OSBPL10: variants seen among roughly 807,000 people sequenced by gnomAD.
OSBPL10 encodes oxysterol-binding protein-related protein 10.
Under a neutral mutation model 81.7 loss-of-function variants are expected in OSBPL10, and 49 were observed. The observed-to-expected ratio is 0.60, with a 90% CI of 0.48 to 0.76. OSBPL10 has a LOEUF of 0.76. OSBPL10 is among the 30% of genes least tolerant of loss of function. OSBPL10 has a pLI of 0.00. For synonymous variants in OSBPL10, 419 were observed against 383.6 expected (o/e 1.09, Z -1.08); for missense variants, 923 against 987.8 (o/e 0.93, Z 0.88).
Position 31,725,820 on chromosome 3 carries a change from C to T in OSBPL10, c.1095+7437G>A, listed in dbSNP as rs1355917717. ...GAAGCATGCCCTTTAGTCATGAATA[C>T]TACCAATGAACCTCATCGTTCACAT... On this transcript the variant is annotated intron_variant, in intron 6 of 11. Transcript: ENST00000396556. 2.0e-5 allele frequency among the ~76,000 whole-genome samples: 3 copies of T among 152,334 alleles called. 1 individual carries two copies. In the South Asian group the frequency reaches 6.2e-4, roughly 32 times the overall value.
chr3:31,833,927 C>A (rs1700312346), intron 3 of OSBPL10, among the ~76,000 whole-genome samples: 1 of 152,140 alleles, frequency 6.6e-6, no homozygotes, highest in African/African-American at 2.4e-5. Context: ...TAATGGCTGT[C>A]ATTTGAATTT....
intron 4 of OSBPL10, among the ~76,000 whole-genome samples, chr3:31,799,093 C>T (rs1335273295): frequency 6.6e-6 from 1 of 152,168 alleles, no homozygotes; most frequent in African/African-American, 2.4e-5. Flanking sequence ...GGAATCCCTA[C>T]CTCAAGGTAT....
At chr3:31,828,985 A>C (rs1349529198) in intron 4 of OSBPL10, among the ~76,000 whole-genome samples, 1 of 152,226 alleles carries the variant, frequency 6.6e-6, no homozygotes, top group African/African-American at 2.4e-5. Context: ...ATTGTCTTTC[A>C]TATGCATCTA....
intron 3 of OSBPL10, among the ~76,000 whole-genome samples, chr3:31,851,024 A>G (rs1025128691): frequency 3.3e-5 from 5 of 152,234 alleles, no homozygotes; most frequent in African/African-American, 1.2e-4. Context: ...TCAAAACCAG[A>G]AAATCAAAGC....
chr3:31,820,263 C>T (rs1331199749), intron 4 of OSBPL10, among the ~76,000 whole-genome samples: 1 of 151,862 alleles, frequency 6.6e-6, no homozygotes, highest in Admixed American at 6.6e-5. Flanking sequence ...TAAAGTCATG[C>T]CCTTAAGAAA....
chr3:31,928,368 T>C lies in OSBPL10; in HGVS notation c.282-48538A>G, dbSNP rs560273849. On this transcript the variant is annotated intron_variant, in intron 1 of 11. Coordinates refer to ENST00000396556, the MANE Select transcript of OSBPL10 (RefSeq NM_017784.5). ...CATACATCAAGGTGACTTTTAAAAG[T>C]TTATCTGCATGCTCCAAAACAGTAA... is the stretch of plus-strand genomic sequence containing the variant. 5.3e-5 allele frequency among the ~76,000 whole-genome samples: 8 copies of C among 152,252 alleles called. No individual in the cohort carries two copies. In the South Asian group the frequency reaches 1.7e-3, roughly 32 times the overall value.
At chr3:32,040,353 G>A (rs1699562481) in intron 2 of OSBPL10, among the ~76,000 whole-genome samples, 1 of 152,148 alleles carries the variant, frequency 6.6e-6, no homozygotes, top group Non-Finnish European at 1.5e-5. Flanking sequence ...GTTGCAGTGA[G>A]CTAACATTGC....
At chr3:31,956,739 A>AG (rs1279836740) in intron 1 of OSBPL10, among the ~76,000 whole-genome samples, 1 of 151,636 alleles carries the variant, frequency 6.6e-6, no homozygotes, top group Non-Finnish European at 1.5e-5. Flanking sequence ...AAAAAAAAAA[A>AG]GGGGGCCTTT....
intron 3 of OSBPL10, among the ~76,000 whole-genome samples, chr3:31,875,459 TAC>T (rs1701426701): frequency 6.6e-6 from 1 of 151,364 alleles, no homozygotes; most frequent in African/African-American, 2.4e-5. Flanking sequence ...GGGCTGTACC[TAC>T]AGTTCCTGAA....
intron 3 of OSBPL10, among the ~76,000 whole-genome samples, chr3:31,856,068 TTACACAC>T (rs1458779768): frequency 8.6e-6 from 1 of 116,946 alleles, no homozygotes; most frequent in East Asian, 2.9e-4. Flanking sequence ...TATGTTTATA[TTACACAC>T]ACACACACAC....
intron 2 of OSBPL10, among the ~76,000 whole-genome samples, chr3:32,000,271 T>C (rs375978027): frequency 2.6e-5 from 4 of 152,278 alleles, no homozygotes; most frequent in African/African-American, 9.6e-5. Context: ...GTTAGCACTC[T>C]AGATAAAGGA....
chr3:31,981,160 C>T lies in OSBPL10; in HGVS notation c.20G>A (p.Gly7Asp). ...GTTGCTACCCCCGCCGCCGTCTGTG[C>T]CCTGGACTGCCCTCTCCATGGTCCG... is the stretch of plus-strand genomic sequence containing the variant. MERAVQGTDGGGGSNSS... is the reference protein window; with the variant it reads MERAVQDTDGGGGSNSS... Residue 7 changes from glycine to aspartate, a missense_variant, in exon 1 of 12, where the codon GGC (glycine) becomes GAC (aspartate). Physicochemically the swap from Gly to Asp is moderately conservative, Grantham distance 94. This residue lies in a region of OSBPL10 where 514 missense variants were observed against 508.0 expected (regional missense o/e 1.01). Coordinates refer to ENST00000396556, the MANE Select transcript of OSBPL10 (RefSeq NM_017784.5). This position sits in a 1 kb window ranked among gnomAD's most constrained non-coding sequence, Gnocchi z 4.5. 6.7e-7 allele frequency: 1 copy of T among 1,483,020 alleles called. No homozygotes were observed. Among genetic ancestry groups the T allele is most frequent in the Non-Finnish European group, 8.9e-7 (1 of 1,121,890 alleles). The allele number at this position is 1,483,020 out of a possible 1,614,324, so 91.9% of individuals were successfully genotyped here. A position where few individuals can be genotyped will look rare whatever the true frequency, so the allele number is the denominator to read the frequency against.
intron 3 of OSBPL10, among the ~76,000 whole-genome samples, chr3:31,865,986 G>C (rs1039900572): frequency 6.6e-6 from 1 of 152,148 alleles, no homozygotes; most frequent in Non-Finnish European, 1.5e-5. Flanking sequence ...TGGTTTCAGA[G>C]TCTACAGATG....
intron 1 of OSBPL10, among the ~76,000 whole-genome samples, chr3:31,925,300 C>T (rs1251451236): frequency 1.3e-5 from 2 of 152,030 alleles, no homozygotes; most frequent in African/African-American, 4.8e-5. Context: ...GCATACAAGA[C>T]CCTCCACGAC....
chr3:31,689,570 G>T (rs890743212), intron 7 of OSBPL10, among the ~76,000 whole-genome samples: 1 of 152,066 alleles, frequency 6.6e-6, no homozygotes, highest in Middle Eastern at 3.2e-3. Context: ...TTCATCTTGA[G>T]TTGTAACTCC....
At chr3:31,798,966 G>C (rs1699306194) in intron 4 of OSBPL10, among the ~76,000 whole-genome samples, 1 of 152,180 alleles carries the variant, frequency 6.6e-6, no homozygotes, top group Non-Finnish European at 1.5e-5. Flanking sequence ...ATCTAATGCT[G>C]CTGATCTGAC....
intron 1 of OSBPL10, among the ~76,000 whole-genome samples, chr3:31,962,441 A>G (rs908601558): frequency 2.0e-5 from 3 of 152,192 alleles, no homozygotes; most frequent in Non-Finnish European, 4.4e-5. Flanking sequence ...TCACAACAGT[A>G]TGAATATACT....
chr3:31,801,015 T>A (rs1699364601), intron 4 of OSBPL10, among the ~76,000 whole-genome samples: 1 of 151,654 alleles, frequency 6.6e-6, no homozygotes, highest in African/African-American at 2.4e-5. Context: ...CTTTTTTTTT[T>A]AATACATAAA....
chr3:31,965,837 A>C (rs1203292484), intron 1 of OSBPL10, among the ~76,000 whole-genome samples: 1 of 85,044 alleles, frequency 1.2e-5, no homozygotes, highest in Non-Finnish European at 1.9e-5. Context: ...AATATATAAT[A>C]TATATTATAT....
Sources: allele counts gnomAD v4.1 joint callset (sites outside exome capture counted in the v4.1 genomes callset), GRCh38; gene constraint gnomAD v4.1.1; regional missense constraint gnomAD v4.1.1; non-coding constraint Gnocchi (gnomAD v3.1); transcripts MANE v1.5; gene names NCBI Gene and HGNC (gene_info 2026-07-23, HGNC 2026-07-21).